GLIS3: variants seen among roughly 807,000 people sequenced by gnomAD.
GLIS3 encodes the protein zinc finger protein GLIS3.
In GLIS3, 53 loss-of-function variants were observed where a neutral mutation model predicts 78.6. The ratio of observed to expected loss-of-function variants is 0.67; its 90% confidence interval spans 0.54 to 0.85. The LOEUF (loss-of-function observed/expected upper bound fraction) is 0.85. Ranked by LOEUF, GLIS3 falls within the 40% of genes least tolerant of loss-of-function variation. The probability of loss-of-function intolerance (pLI) is 0.00; values close to 1 mark genes in which losing one functional copy is unlikely to be tolerated. For synonymous variants in GLIS3, 684 were observed against 509.9 expected, an observed-to-expected ratio of 1.34 and a Z score of -4.60; for missense variants, 1,703 against 1,231.1, an observed-to-expected ratio of 1.38 and a Z score of -5.74.
At chr9:3,877,547 TCTC>T (rs780810737) in intron 8 of GLIS3, among the ~76,000 whole-genome samples, 23 of 152,220 alleles carry the variant, frequency 1.5e-4, no homozygotes, top group African/African-American at 5.1e-4. Flanking sequence ...TTCTTCCCCT[TCTC>T]CTCCACTCAA....
chr9:4,239,741 T>C (rs1427562831), intron 2 of GLIS3, among the ~76,000 whole-genome samples: 3 of 152,246 alleles, frequency 2.0e-5, no homozygotes, highest in South Asian at 2.1e-4. Context: ...TAGGTTTTCA[T>C]TTAAAAAGAC....
chr9:4,225,063 C>T (rs772543881), intron 2 of GLIS3, among the ~76,000 whole-genome samples: 13 of 151,628 alleles, frequency 8.6e-5, no homozygotes, highest in South Asian at 2.1e-4. Context: ...AATAATCACA[C>T]GAGATAGTTA....
Position 4,095,180 on chromosome 9 carries a change from G to A in GLIS3, c.1710+22588C>T, listed in dbSNP as rs948971465. Among the ~76,000 whole-genome samples, 5 of 151,914 alleles carry A rather than the reference G, an allele frequency of 3.3e-5. No homozygotes were observed. The South Asian group carries it at 6.2e-4, about 19-fold the overall frequency. The stretch of plus-strand genomic sequence containing the variant: ...CTTTAACAAATCTCTCCCTATCTCC[G>A]CCTTCCCCCTACCCTTCCCAGCCTC... On this transcript the variant is annotated intron_variant, in intron 4 of 10. Transcript: ENST00000381971.
intron 2 of GLIS3, among the ~76,000 whole-genome samples, chr9:4,195,547 C>T (rs1005770613): frequency 8.5e-5 from 13 of 152,350 alleles, no homozygotes; most frequent in South Asian, 2.1e-4. Flanking sequence ...GGGCAGGGCT[C>T]GGGACCTGCA....
At chr9:4,218,085 T>C (rs1037732889) in intron 2 of GLIS3, among the ~76,000 whole-genome samples, 2 of 152,232 alleles carry the variant, frequency 1.3e-5, no homozygotes, top group African/African-American at 4.8e-5. Context: ...AACCCAATCC[T>C]GTTCCTCCAC....
intron 2 of GLIS3, among the ~76,000 whole-genome samples, chr9:4,340,810 C>T (rs573954431): frequency 4.5e-4 from 69 of 152,302 alleles, no homozygotes; most frequent in African/African-American, 1.4e-3. Context: ...TTGTCCCTGC[C>T]TCAGCCACCC....
intron 4 of GLIS3, among the ~76,000 whole-genome samples, chr9:4,106,882 C>T (rs767813877): frequency 7.9e-5 from 12 of 152,122 alleles, no homozygotes; most frequent in Middle Eastern, 3.4e-3. Context: ...AGAAAGATGA[C>T]GAGCAGCGGG....
chr9:4,172,553 T>C (rs1377287123), intron 2 of GLIS3, among the ~76,000 whole-genome samples: 1 of 152,204 alleles, frequency 6.6e-6, no homozygotes, highest in Non-Finnish European at 1.5e-5. Context: ...TAGACAGTTA[T>C]CTGGACCTGG....
At chr9:3,833,804 A>T (rs1233187996) in intron 9 of GLIS3, among the ~76,000 whole-genome samples, 1 of 152,216 alleles carries the variant, frequency 6.6e-6, no homozygotes, top group Non-Finnish European at 1.5e-5. Context: ...GCCTTCAAGA[A>T]TGGAGGAGTG....
chr9:4,107,234 G>T (rs1452389713), intron 4 of GLIS3, among the ~76,000 whole-genome samples: 3 of 152,174 alleles, frequency 2.0e-5, no homozygotes, highest in Non-Finnish European at 4.4e-5. Flanking sequence ...GGCACTTCTA[G>T]TTCCTTGTGG....
intron 4 of GLIS3, among the ~76,000 whole-genome samples, chr9:4,089,740 G>C (rs540184200): frequency 2.2e-4 from 33 of 152,194 alleles, no homozygotes; most frequent in African/African-American, 7.7e-4. Context: ...GATCGCTTGA[G>C]TCCAGGAGTT....
intron 4 of GLIS3, among the ~76,000 whole-genome samples, chr9:4,100,354 G>C (rs188016077): frequency 1.5e-4 from 23 of 152,146 alleles, no homozygotes; most frequent in African/African-American, 5.1e-4. Flanking sequence ...ATAACTTCTG[G>C]AAACATGAGA....
chr9:4,295,962 C>CT (rs1264209152), intron 1 of GLIS3, among the ~76,000 whole-genome samples: 2 of 151,988 alleles, frequency 1.3e-5, no homozygotes, highest in Non-Finnish European at 2.9e-5. Flanking sequence ...TCCTATGTGC[C>CT]TTTTTTCCCC....
intron 4 of GLIS3, among the ~76,000 whole-genome samples, chr9:4,053,860 A>C (rs763613407): frequency 1.3e-5 from 2 of 152,156 alleles, no homozygotes; most frequent in Non-Finnish European, 2.9e-5. Flanking sequence ...GCCTTTCTTT[A>C]TGTTGCACAG....
intron 2 of GLIS3, among the ~76,000 whole-genome samples, chr9:4,143,875 T>C (rs111540087): frequency 3.3e-5 from 5 of 152,246 alleles, no homozygotes; most frequent in African/African-American, 1.2e-4. Context: ...CACTGAACTA[T>C]CTATGGCGAA....
the GLIS3 span, among the ~76,000 whole-genome samples, chr9:4,370,857 C>A: frequency 1.3e-5 from 2 of 151,986 alleles, no homozygotes; most frequent in African/African-American, 2.4e-5. Flanking sequence ...AAAATAAAGA[C>A]ATATGAATAT....
At chr9:4,389,169 G>C in the GLIS3 span, among the ~76,000 whole-genome samples, 2 of 152,180 alleles carry the variant, frequency 1.3e-5, no homozygotes, top group African/African-American at 4.8e-5. Flanking sequence ...CTGTGACATA[G>C]GTATTAGAGG....
At chr9:4,386,385 T>G in the GLIS3 span, 475 of 51,714 alleles carry the variant, frequency 9.2e-3, 4 homozygotes, top group African/African-American at 0.032. Context: ...TCATTTTCTT[T>G]TCTTTTTAAA....
chr9:4,191,430 C>T (rs1818324382), intron 2 of GLIS3, among the ~76,000 whole-genome samples: 1 of 152,016 alleles, frequency 6.6e-6, no homozygotes, highest in Admixed American at 6.6e-5. Flanking sequence ...ACATAAATAC[C>T]TCATCTGCAA....
Sources: gnomAD v4.1 joint callset for allele counts (sites outside exome capture counted in the v4.1 genomes callset) on GRCh38, gnomAD v4.1.1 for gene constraint, MANE v1.5 for transcripts, NCBI Gene and HGNC (gene_info 2026-07-23, HGNC 2026-07-21) for gene names.